TBC1D22A: variants seen among roughly 807,000 people sequenced by gnomAD.
The protein encoded by TBC1D22A is putative GTPase activator.
Under a neutral mutation model 60.2 loss-of-function variants are expected in TBC1D22A, and 38 were observed. The ratio of observed to expected loss-of-function variants is 0.63; its 90% CI spans 0.49 to 0.83. The LOEUF is 0.83. Among genes scored for constraint, TBC1D22A ranks in the 40% least tolerant of loss-of-function variants. The probability of loss-of-function intolerance (pLI) is 0.00; values close to 1 mark genes in which losing one functional copy is unlikely to be tolerated. For synonymous variants in TBC1D22A, 302 were observed against 281.7 expected (o/e 1.07, Z -0.72); for missense variants, 628 against 701.0 (o/e 0.90, Z 1.18).
intron 1 of TBC1D22A, among the ~76,000 whole-genome samples, chr22:46,772,128 CAT>C (rs1569008207): frequency 1.1e-4 from 7 of 64,920 alleles, no homozygotes; most frequent in African/African-American, 4.2e-4. Flanking sequence ...CACACATATA[CAT>C]ATATATGTAT....
chr22:47,145,195 C>T (rs1433637637), intron 12 of TBC1D22A, among the ~76,000 whole-genome samples: 3 of 152,212 alleles, frequency 2.0e-5, no homozygotes, highest in South Asian at 2.1e-4. Context: ...TCCCCACCTG[C>T]GTCTTCTGCC....
chr22:47,154,278 G>C (rs2067625422), intron 12 of TBC1D22A, among the ~76,000 whole-genome samples: 1 of 152,182 alleles, frequency 6.6e-6, no homozygotes, highest in Admixed American at 6.5e-5. Context: ...CTAGTGTCCT[G>C]GTATGGCCCT....
chr22:46,868,515 G>A (rs2067159212), intron 4 of TBC1D22A, among the ~76,000 whole-genome samples: 1 of 152,000 alleles, frequency 6.6e-6, no homozygotes. Flanking sequence ...CAAGCTTTTT[G>A]GATAAGGGAG....
At chr22:46,956,831 C>G (rs1306665122) in intron 8 of TBC1D22A, among the ~76,000 whole-genome samples, 1 of 152,250 alleles carries the variant, frequency 6.6e-6, no homozygotes, top group Non-Finnish European at 1.5e-5. Flanking sequence ...GGCTTAGATT[C>G]TAAACCAGCA....
At chr22:46,822,507 G>T (rs1602016585) in intron 4 of TBC1D22A, among the ~76,000 whole-genome samples, 1 of 152,140 alleles carries the variant, frequency 6.6e-6, no homozygotes, top group African/African-American at 2.4e-5. Flanking sequence ...TGTTCTGTAG[G>T]GCTGCTGCAG....
chr22:46,956,478 A>T (rs960084323), intron 8 of TBC1D22A, among the ~76,000 whole-genome samples: 2 of 152,244 alleles, frequency 1.3e-5, no homozygotes, highest in African/African-American at 2.4e-5. Flanking sequence ...ATTACTTACA[A>T]GTATCATGTA....
chr22:46,932,701 G>A (rs1211209879), intron 8 of TBC1D22A, among the ~76,000 whole-genome samples: 2 of 147,166 alleles, frequency 1.4e-5, no homozygotes, highest in Non-Finnish European at 3.0e-5. Flanking sequence ...GTTTAGTGCA[G>A]TGTGCGTTGT....
chr22:47,035,643 AG>A (rs2062630910), intron 10 of TBC1D22A, among the ~76,000 whole-genome samples: 1 of 151,944 alleles, frequency 6.6e-6, no homozygotes, highest in Non-Finnish European at 1.5e-5. Flanking sequence ...TTAGGGGAGG[AG>A]GGTGACAGTG....
chr22:46,905,449 G>C (rs1453708798), intron 7 of TBC1D22A, among the ~76,000 whole-genome samples: 1 of 152,238 alleles, frequency 6.6e-6, no homozygotes, highest in Non-Finnish European at 1.5e-5. Context: ...GAGCAAGTTG[G>C]TAAAGCAGCA....
At chr22:47,050,795 TG>T (rs921896669) in intron 11 of TBC1D22A, among the ~76,000 whole-genome samples, 3 of 150,668 alleles carry the variant, frequency 2.0e-5, no homozygotes, top group African/African-American at 7.3e-5. Context: ...TCGGTGGAGG[TG>T]GGGGGATGGT....
At chr22:47,094,408 A>T (rs1456017407) in intron 11 of TBC1D22A, among the ~76,000 whole-genome samples, 2 of 152,292 alleles carry the variant, frequency 1.3e-5, no homozygotes, top group East Asian at 3.9e-4. Context: ...GAAGGCCTTC[A>T]TAGACAGAGA....
At chr22:46,886,193 C>T in intron 5 of TBC1D22A, among the ~76,000 whole-genome samples, 1 of 152,190 alleles carries the variant, frequency 6.6e-6, no homozygotes, top group Non-Finnish European at 1.5e-5. Flanking sequence ...GCCGCCGCGC[C>T]CGGCCAGTCA....
At chr22:46,801,559 C>T (rs147364020) in intron 4 of TBC1D22A, among the ~76,000 whole-genome samples, 1 of 152,220 alleles carries the variant, frequency 6.6e-6, no homozygotes, top group Non-Finnish European at 1.5e-5. Flanking sequence ...TGCTTTGAAG[C>T]CCCGGAAAAT....
chr22:46,768,965 G>A (rs1260395384), intron 1 of TBC1D22A, among the ~76,000 whole-genome samples: 1 of 151,936 alleles, frequency 6.6e-6, no homozygotes, highest in African/African-American at 2.4e-5. Context: ...ATTGTGGCAG[G>A]CATCTATAAT....
intron 1 of TBC1D22A, among the ~76,000 whole-genome samples, chr22:46,764,589 TG>T (rs1237803349): frequency 1.3e-5 from 2 of 152,172 alleles, no homozygotes; most frequent in African/African-American, 4.8e-5. Context: ...CTGGAAACTA[TG>T]GATGTGACAT....
intron 8 of TBC1D22A, among the ~76,000 whole-genome samples, chr22:46,966,948 T>G (rs2073832479): frequency 6.6e-6 from 1 of 152,178 alleles, no homozygotes; most frequent in Non-Finnish European, 1.5e-5. Context: ...GGGATCACTC[T>G]TGGGGCTGGC....
intron 11 of TBC1D22A, among the ~76,000 whole-genome samples, chr22:47,096,702 A>G (rs895180714): frequency 1.3e-5 from 2 of 152,126 alleles, no homozygotes; most frequent in African/African-American, 4.8e-5. Flanking sequence ...CATGCCTGTA[A>G]GCCCAGCTAC....
chr22:46,797,565 G>C lies in TBC1D22A; in HGVS notation c.582G>C (p.Glu194Asp). ...GCAGCTCAGCGCTGAGCGAAAGAGA[G>C]GCCTCCCGGCTCGACAAGTTCAAGC... ...TLSSSALSER[E>D]ASRLDKFKQL... The change falls in exon 4 of 13, where the codon GAG becomes GAC. Residue 194 changes from glutamate to aspartate, a missense_variant. Glu to Asp is a conservative substitution (Grantham distance 45, BLOSUM62 2). Transcript: ENST00000337137. The C allele has an allele frequency of 6.2e-7, 1 of 1,613,468 alleles. No individual in the cohort carries two copies.
rs1647794112 is a variant in TBC1D22A at position 46,872,016 on chromosome 22, A to C, written c.638-6637A>C. Among the ~76,000 whole-genome samples the C allele has an allele frequency of 2.0e-5, 3 of 152,200 alleles. No homozygotes were observed. In the South Asian group the frequency reaches 6.2e-4, roughly 31 times the overall value. ...TCCTACAGACATTAAAAAGGTAATA[A>C]GGGAATGTTATTTACAATTTTATGC... is the stretch of plus-strand genomic sequence containing the variant. On this transcript the variant is annotated intron_variant, in intron 4 of 12. Transcript: ENST00000337137.
Sources: gnomAD v4.1 joint callset for allele counts (sites outside exome capture counted in the v4.1 genomes callset) on GRCh38, gnomAD v4.1.1 for gene constraint, MANE v1.5 for transcripts, NCBI Gene and HGNC (gene_info 2026-07-23, HGNC 2026-07-21) for gene names.